DHDH: variants seen among roughly 807,000 people sequenced by gnomAD.
DHDH encodes the protein trans-1,2-dihydrobenzene-1,2-diol dehydrogenase.
A neutral mutation model predicts 33.2 loss-of-function variants in DHDH; 29 were observed. The ratio of observed to expected loss-of-function variants is 0.87; its 90% CI spans 0.65 to 1.19. The LOEUF (loss-of-function observed/expected upper bound fraction) is 1.19, where lower values mean the gene tolerates loss of function less well. Among genes scored for constraint, DHDH ranks in the 50% most tolerant of loss-of-function variants. The pLI, the probability that DHDH is intolerant of heterozygous loss-of-function variation, is 0.00. For missense variants in DHDH, 431 were observed against 455.0 expected, an observed-to-expected ratio of 0.95 and a Z score of 0.48; for synonymous variants, 201 against 187.9, an observed-to-expected ratio of 1.07 and a Z score of -0.57.
At position 48,939,489 on chromosome 19, in the gene DHDH, G is replaced by A. The variant is rs770823489; in HGVS notation, c.407G>A (p.Arg136Lys). The A allele has an allele frequency of 6.2e-5, 100 of 1,613,716 alleles. No individual in the cohort carries two copies. Among genetic ancestry groups the A allele is most frequent in the Non-Finnish European group, 7.8e-5 (92 of 1,179,844 alleles). ...TTCTTTCCTGCCTCCGAGGCTCTGA[G>A]GTCTGTTTTGGCCCAGGGAACTCTA... is the stretch of plus-strand genomic sequence containing the variant. Reference protein sequence around the residue: ...TRFFPASEALRSVLAQGTLGD... With the variant: ...TRFFPASEALKSVLAQGTLGD... Residue 136 changes from arginine to lysine, a missense_variant, in exon 4 of 7, where the codon AGG becomes AAG. Coordinates refer to ENST00000221403, the MANE Select transcript of DHDH (RefSeq NM_014475.4).
At position 48,944,383 on chromosome 19, in the gene DHDH, C is replaced by A. The variant is rs761445614; in HGVS notation, c.771C>A (p.Thr257=). 6.2e-7 allele frequency: 1 copy of A among 1,614,112 alleles called. No individual in the cohort carries two copies. The highest frequency in any genetic ancestry group is 1.7e-5 in the Admixed American group (1 of 60,024). ...TCCTCAACCCCTGCTGGTGCCCGAC[C>A]GAGCTGGTGGTGAAGGGGGAGCATA... ...VQLLNPCWCP[T]ELVVKGEHKE... is the part of the protein sequence containing the mutation. Residue 257 remains threonine (T), a synonymous_variant, in exon 6 of 7, where the codon ACC becomes ACA. Transcript: ENST00000221403.
intron 4 of DHDH, among the ~76,000 whole-genome samples, chr19:48,941,178 A>G (rs1034348452): frequency 2.0e-5 from 3 of 151,914 alleles, no homozygotes; most frequent in Admixed American, 6.6e-5. Context: ...TTTATATCTT[A>G]CAGGTGGCAG....
chr19:48,944,893 G>A lies in DHDH; in HGVS notation c.965G>A (p.Arg322Lys), dbSNP rs201323922. The A allele has an allele frequency of 9.9e-6, 16 of 1,614,094 alleles. No individual in the cohort carries two copies. The highest frequency in any genetic ancestry group is 6.7e-5 in the Admixed American group (4 of 60,006). ...ELLADILEEV[R>K]KAIGVTFPQD... ...CTGGCTGACATCCTTGAAGAGGTGA[G>A]GAAGGCCATTGGAGTCACCTTCCCC... The change falls in exon 7 of 7, where the codon AGG (arginine) becomes AAG (lysine). Residue 322 changes from arginine to lysine, a missense_variant. Transcript: ENST00000221403.
chr19:48,936,470 G>T (rs992015116), intron 3 of DHDH, among the ~76,000 whole-genome samples: 14 of 152,084 alleles, frequency 9.2e-5, no homozygotes, highest in Non-Finnish European at 1.5e-4. Flanking sequence ...GCCGAGGCGG[G>T]CGGAGCACGG....
At chr19:48,942,647 C>T (rs2037881943) in intron 5 of DHDH, 83 bp downstream of exon 5, 1 of 1,513,892 alleles carries the variant, frequency 6.6e-7, no homozygotes, top group South Asian at 1.3e-5. Context: ...TAGATGAGAG[C>T]TTAACCAGCC....
At position 48,939,644 on chromosome 19, in the gene DHDH, G is replaced by A. The variant is rs749547931; in HGVS notation, c.562G>A (p.Val188Ile). ...CTACTGTGTCCAGTTCACCTCCATG[G>A]TCTTTGGAGGGCAGAAGCCAGAGAA... ...GIYCVQFTSM[V>I]FGGQKPEKIS... Residue 188 changes from valine (V) to isoleucine (I), a missense_variant, in exon 4 of 7, where the codon GTC becomes ATC. By Grantham distance (29) the Val-to-Ile change is conservative (BLOSUM62 3). Coordinates refer to ENST00000221403, the MANE Select transcript of DHDH (RefSeq NM_014475.4). 1.2e-6 allele frequency: 2 copies of A among 1,612,364 alleles called. No homozygotes were observed. The highest frequency in any genetic ancestry group is 1.7e-6 in the Non-Finnish European group (2 of 1,178,540).
At chr19:48,935,283 A>G (rs1291682096) in intron 2 of DHDH, among the ~76,000 whole-genome samples, 172 bp downstream of exon 2, 1 of 152,192 alleles carries the variant, frequency 6.6e-6, no homozygotes, top group Non-Finnish European at 1.5e-5. Context: ...CTGGCTGTCT[A>G]GTAGGTGTTA....
Position 48,941,391 on chromosome 19 carries a change from GT to G in DHDH, c.620-1040del, listed in dbSNP as rs549499098. ...GATGGGCAAATAGACTGTAATTTTT[GT>G]TTTTTTTTAGATAGTATCTCACTTT... On this transcript the variant is annotated intron_variant, in intron 4 of 6. Transcript: ENST00000221403. 4.0e-3 allele frequency among the ~76,000 whole-genome samples: 605 copies of G among 151,048 alleles called. 4 individuals carry two copies. The highest frequency in any genetic ancestry group is 7.4e-3 in the Admixed American group (111 of 15,100).
At chr19:48,944,010 A>T (rs1035782987) in intron 5 of DHDH, among the ~76,000 whole-genome samples, 1 of 152,056 alleles carries the variant, frequency 6.6e-6, no homozygotes, top group Non-Finnish European at 1.5e-5. Context: ...AAAGAAAGAA[A>T]GAAAGAAAGA....
At chr19:48,938,872 G>C (rs2037817877) in intron 3 of DHDH, among the ~76,000 whole-genome samples, 1 of 152,004 alleles carries the variant, frequency 6.6e-6, no homozygotes, top group South Asian at 2.1e-4. Flanking sequence ...TGGTCTCTTG[G>C]CTAGGCTGGT....
Position 48,935,079 on chromosome 19 carries a change from C to A in DHDH, c.170C>A (p.Ser57Tyr). 1 of 1,587,764 alleles carries A rather than the reference C, an allele frequency of 6.3e-7. No individual in the cohort carries two copies. Among genetic ancestry groups the A allele is most frequent in the Admixed American group, 1.8e-5 (1 of 56,446 alleles). Residue 57 changes from serine to tyrosine, a missense_variant, in exon 2 of 7, where the codon TCC becomes TAC. Coordinates refer to ENST00000221403, the MANE Select transcript of DHDH (RefSeq NM_014475.4). Reference protein sequence around the residue: ...QKHDIPKAYGSYEELAKDPSV... With the variant: ...QKHDIPKAYGYYEELAKDPSV... The stretch of plus-strand genomic sequence containing the variant: ...CACGACATCCCCAAGGCCTACGGCT[C>A]CTATGAGGAGCTGGCCAAGGACCCG...
At position 48,935,810 on chromosome 19, in the gene DHDH, C is replaced by T. The variant is rs559461692; in HGVS notation, c.203-222C>T. Among the ~76,000 whole-genome samples the T allele has an allele frequency of 1.2e-4, 18 of 151,482 alleles. 1 individual carries two copies. Among genetic ancestry groups the T allele is most frequent in the African/African-American group, 3.9e-4 (16 of 41,198 alleles). ...CCAGCCTGGGCGAAGAGTGAGACTC[C>T]GCCTCCAAAAAAAAAATTAATTAAT... is the stretch of plus-strand genomic sequence containing the variant. On this transcript the variant is annotated intron_variant, in intron 2 of 6. Coordinates refer to ENST00000221403, the MANE Select transcript of DHDH (RefSeq NM_014475.4).
At position 48,936,062 on chromosome 19, in the gene DHDH, A is replaced by G. The variant is rs751768823; in HGVS notation, c.233A>G (p.Gln78Arg). The change falls in exon 3 of 7, where the codon CAG becomes CGG. Residue 78 changes from glutamine (Q) to arginine (R), a missense_variant. Physicochemically the swap from Gln to Arg is conservative, Grantham distance 43 (BLOSUM62 1). Coordinates refer to ENST00000221403, the MANE Select transcript of DHDH (RefSeq NM_014475.4). ...EVAYIGTQHPQHKAAVMLCLA... is the reference protein window; with the variant it reads ...EVAYIGTQHPRHKAAVMLCLA... ...GCCTACATTGGCACCCAGCACCCCC[A>G]GCACAAGGCGGCGGTGATGCTGTGC... 84 of 1,608,614 alleles carry G rather than the reference A, an allele frequency of 5.2e-5. No individual in the cohort carries two copies. Among genetic ancestry groups the G allele is most frequent in the Admixed American group, 3.7e-4 (22 of 59,162 alleles).
intron 1 of DHDH, among the ~76,000 whole-genome samples, chr19:48,934,639 C>A (rs2037746376): frequency 1.3e-5 from 2 of 152,144 alleles, no homozygotes; most frequent in Non-Finnish European, 2.9e-5. Flanking sequence ...ATAAATCTAG[C>A]CTACGTGCAC....
Position 48,942,549 on chromosome 19 carries a change from C to T in DHDH, c.729C>T (p.Thr243=). 2 of 1,613,632 alleles carry T rather than the reference C, an allele frequency of 1.2e-6. No homozygotes were observed. Among genetic ancestry groups the T allele is most frequent in the Non-Finnish European group, 1.7e-6 (2 of 1,179,764 alleles). Residue 243 remains threonine (T), a synonymous_variant, in exon 5 of 7, where the codon ACC becomes ACT. Coordinates refer to ENST00000221403, the MANE Select transcript of DHDH (RefSeq NM_014475.4). ...CCAACACGGCCTCCGTGAGCGGCAC[C>T]AAGGGCATGGTACAGGTGAGGCATG... The part of the protein sequence containing the change: ...QLSNTASVSG[T]KGMVQLLNPC...
At position 48,937,436 on chromosome 19, in the gene DHDH, G is replaced by A. The variant is rs556240682; in HGVS notation, c.366+1241G>A. ...CACGCCTGTAATCCCAGCACTTTGG[G>A]AGGCCGAGGCGGGCAGATCACCTGA... On this transcript the variant is annotated intron_variant, in intron 3 of 6. Coordinates refer to ENST00000221403, the MANE Select transcript of DHDH (RefSeq NM_014475.4). Among the ~76,000 whole-genome samples the A allele has an allele frequency of 1.1e-4, 17 of 152,254 alleles. No individual in the cohort carries two copies. The South Asian group carries it at 3.3e-3, about 30-fold the overall frequency.
At chr19:48,944,231 A>AC in intron 5 of DHDH, 126 bp from the exon 6 acceptor site, 1 of 1,309,084 alleles carries the variant, frequency 7.6e-7, no homozygotes, top group Non-Finnish European at 1.1e-6. Context: ...CCGGGGATGG[A>AC]CAGGGCAAGC....
intron 3 of DHDH, among the ~76,000 whole-genome samples, chr19:48,938,979 C>T (rs1227081182): frequency 1.3e-5 from 2 of 150,202 alleles, no homozygotes; most frequent in Non-Finnish European, 3.0e-5. Flanking sequence ...CTTATTTTAA[C>T]ATAATTATCT....
chr19:48,935,927 G>T, intron 2 of DHDH, 105 bp from the exon 3 acceptor site: 2 of 1,440,358 alleles, frequency 1.4e-6, no homozygotes, highest in South Asian at 1.3e-5. Flanking sequence ...GGGTGTGACC[G>T]ACCACCTGGT....
Sources: allele counts gnomAD v4.1 joint callset (sites outside exome capture counted in the v4.1 genomes callset), GRCh38; gene constraint gnomAD v4.1.1; transcripts MANE v1.5; gene names NCBI Gene and HGNC (gene_info 2026-07-23, HGNC 2026-07-21).